Variants in PITPNC1 observed in about 807,000 individuals in gnomAD.
PITPNC1 encodes phosphatidylinositol transfer protein cytoplasmic 1.
A neutral mutation model predicts 44.7 loss-of-function variants in PITPNC1; 18 were observed. The observed-to-expected ratio is 0.40, with a 90% confidence interval of 0.28 to 0.60. The LOEUF (loss-of-function observed/expected upper bound fraction) is 0.60. Among genes scored for constraint, PITPNC1 ranks in the 20% least tolerant of loss-of-function variants. The pLI, the probability that PITPNC1 is intolerant of heterozygous loss-of-function variation, is 0.39. For synonymous variants in PITPNC1, 141 were observed against 149.6 expected (o/e 0.94, Z 0.42); for missense variants, 290 against 418.4 (o/e 0.69, Z 2.68).
chr17:67,400,643 C>G (rs1354130740), intron 1 of PITPNC1, among the ~76,000 whole-genome samples: 1 of 151,926 alleles, frequency 6.6e-6, no homozygotes, highest in Non-Finnish European at 1.5e-5. Context: ...AGTGGATGTC[C>G]TTTCCTTATT....
At chr17:67,483,115 G>A (rs2039726057) in intron 1 of PITPNC1, among the ~76,000 whole-genome samples, 1 of 152,206 alleles carries the variant, frequency 6.6e-6, no homozygotes, top group Non-Finnish European at 1.5e-5. Context: ...TGAACTGGGA[G>A]TGGCAGAGCC....
At chr17:67,449,786 G>T (rs2039150456) in intron 1 of PITPNC1, among the ~76,000 whole-genome samples, 1 of 152,200 alleles carries the variant, frequency 6.6e-6, no homozygotes, top group African/African-American at 2.4e-5. Context: ...ATTCTTTGAT[G>T]CCTCTATCAC....
At chr17:67,515,621 T>A (rs1405540152) in intron 1 of PITPNC1, among the ~76,000 whole-genome samples, 1 of 152,140 alleles carries the variant, frequency 6.6e-6, no homozygotes, top group Admixed American at 6.5e-5. Flanking sequence ...GGGCTGGGCG[T>A]GGAGCCGGCT....
intron 4 of PITPNC1, among the ~76,000 whole-genome samples, chr17:67,574,129 A>T (rs547452957): frequency 6.6e-6 from 1 of 152,242 alleles, no homozygotes; most frequent in East Asian, 1.9e-4. Flanking sequence ...TAGCTGTGTG[A>T]TCTCATTGAT....
intron 6 of PITPNC1, among the ~76,000 whole-genome samples, chr17:67,667,553 G>A (rs2042442154): frequency 2.0e-5 from 3 of 149,098 alleles, no homozygotes; most frequent in Non-Finnish European, 3.0e-5. Context: ...CATAATTACT[G>A]GGTTTTATAT....
intron 6 of PITPNC1, among the ~76,000 whole-genome samples, chr17:67,644,354 C>T (rs2042122695): frequency 6.6e-6 from 1 of 151,732 alleles, no homozygotes; most frequent in Non-Finnish European, 1.5e-5. Flanking sequence ...GGGCCCAAGG[C>T]TCTCAGCCAG....
In PITPNC1 at chr17:67,600,905, G is replaced by A. The variant is rs558036957; in HGVS notation, c.366+22648G>A. ...GAGAGACATAAATCCTTACATCAAC[G>A]TATATTTGAGTAATAACAATAATGG... is the stretch of plus-strand genomic sequence containing the variant. On this transcript the variant is annotated intron_variant, in intron 5 of 8. Coordinates refer to ENST00000581322, the MANE Select transcript of PITPNC1 (RefSeq NM_012417.4). Among the ~76,000 whole-genome samples, 31 of 152,022 alleles carry A rather than the reference G, an allele frequency of 2.0e-4. 1 individual carries two copies. The highest frequency in any genetic ancestry group is 6.3e-4 in the South Asian group (3 of 4,796).
chr17:67,384,812 C>T (rs1202981012), intron 1 of PITPNC1, among the ~76,000 whole-genome samples: 1 of 152,188 alleles, frequency 6.6e-6, no homozygotes, highest in South Asian at 2.1e-4. Flanking sequence ...TTTAAGTTTG[C>T]TGCTGGCGTC....
chr17:67,488,956 T>C (rs149698445), intron 1 of PITPNC1, among the ~76,000 whole-genome samples: 2 of 152,342 alleles, frequency 1.3e-5, no homozygotes, highest in East Asian at 3.9e-4. Context: ...AATATTCCAT[T>C]GTACGGATAT....
At position 67,512,085 on chromosome 17, in the gene PITPNC1, C is replaced by T. The variant is rs538435184; in HGVS notation, c.49-20717C>T. On this transcript the variant is annotated intron_variant, in intron 1 of 8. Coordinates refer to ENST00000581322, the MANE Select transcript of PITPNC1 (RefSeq NM_012417.4). ...TCTTCAGACCTGCCCTTCCCTGCCC[C>T]AAGGCTAGAGAGTGATGTCCAGCTC... Among the ~76,000 whole-genome samples, 39 of 152,322 alleles carry T rather than the reference C, an allele frequency of 2.6e-4. No homozygotes were observed. In the East Asian group the frequency reaches 6.4e-3, roughly 25 times the overall value.
At chr17:67,539,478 TAATG>T (rs899354958) in intron 2 of PITPNC1, among the ~76,000 whole-genome samples, 1 of 152,328 alleles carries the variant, frequency 6.6e-6, no homozygotes, top group Non-Finnish European at 1.5e-5. Flanking sequence ...CAGTTCAACT[TAATG>T]AACTAGACAT....
intron 1 of PITPNC1, among the ~76,000 whole-genome samples, chr17:67,470,565 C>T (rs544667184): frequency 9.3e-5 from 13 of 140,526 alleles, no homozygotes; most frequent in African/African-American, 1.3e-4. Flanking sequence ...ATTCCCCGTC[C>T]GGGAGGGAGG....
chr17:67,402,122 G>A (rs35746240), intron 1 of PITPNC1, among the ~76,000 whole-genome samples: 31,692 of 152,174 alleles, frequency 0.21, 3,468 homozygotes, highest in Middle Eastern at 0.29. Flanking sequence ...CTCTGACCTC[G>A]TAACATGAAA....
chr17:67,652,606 CCT>C (rs2042221244), intron 6 of PITPNC1, among the ~76,000 whole-genome samples: 1 of 152,136 alleles, frequency 6.6e-6, no homozygotes, highest in Non-Finnish European at 1.5e-5. Flanking sequence ...TTTATAAAAC[CCT>C]GGCTAGAAGA....
chr17:67,547,502 C>T (rs1372192823), intron 2 of PITPNC1, among the ~76,000 whole-genome samples: 1 of 152,098 alleles, frequency 6.6e-6, no homozygotes, highest in African/African-American at 2.4e-5. Flanking sequence ...GGCAACAGAG[C>T]GAGACCCTGT....
At chr17:67,389,198 CCT>C (rs1428877303) in intron 1 of PITPNC1, among the ~76,000 whole-genome samples, 1 of 152,188 alleles carries the variant, frequency 6.6e-6, no homozygotes, top group Non-Finnish European at 1.5e-5. Flanking sequence ...GCCATGTGGC[CCT>C]CTCCACAACA....
At chr17:67,473,438 C>T (rs1227080633) in intron 1 of PITPNC1, among the ~76,000 whole-genome samples, 2 of 151,898 alleles carry the variant, frequency 1.3e-5, no homozygotes, top group Non-Finnish European at 2.9e-5. Context: ...ACGCCATTCT[C>T]CTGCCTCAGC....
intron 1 of PITPNC1, among the ~76,000 whole-genome samples, chr17:67,523,196 C>T (rs1299229230): frequency 5.3e-5 from 8 of 152,182 alleles, no homozygotes; most frequent in Non-Finnish European, 1.2e-4. Context: ...TGGAAATTCT[C>T]AAGCTTTTTA....
At chr17:67,383,433 G>C (rs904041960) in intron 1 of PITPNC1, among the ~76,000 whole-genome samples, 1 of 152,188 alleles carries the variant, frequency 6.6e-6, no homozygotes, top group East Asian at 1.9e-4. Context: ...TGTAAAGCAG[G>C]TACACTGGCT....
Sources: allele counts gnomAD v4.1 joint callset (sites outside exome capture counted in the v4.1 genomes callset), GRCh38; gene constraint gnomAD v4.1.1; transcripts MANE v1.5; gene names NCBI Gene and HGNC (gene_info 2026-07-23, HGNC 2026-07-21).